Variants in ALDH1L2 observed in about 807,000 individuals in gnomAD.
The protein encoded by ALDH1L2 is mitochondrial 10-formyltetrahydrofolate dehydrogenase.
Under a neutral mutation model 111.0 loss-of-function variants are expected in ALDH1L2, and 91 were observed. That is an observed-to-expected ratio of 0.82 (90% CI 0.69 to 0.98). The LOEUF is 0.98. ALDH1L2 is among the 50% of genes least tolerant of loss of function. The pLI is 0.00. For synonymous variants in ALDH1L2, 374 were observed against 392.6 expected, an observed-to-expected ratio of 0.95 and a Z score of 0.56; for missense variants, 995 against 1,126.8, an observed-to-expected ratio of 0.88 and a Z score of 1.67.
chr12:105,050,189 C>T, intron 12 of ALDH1L2, 131 bp from the exon 13 acceptor site: 1 of 803,856 alleles, frequency 1.2e-6, no homozygotes, highest in East Asian at 3.1e-5. Context: ...TTATAGAGAT[C>T]ATGGTCCAGT....
chr12:105,063,076 CG>C (rs979350916), intron 6 of ALDH1L2, 54 bp from the exon 7 acceptor site: 1 of 1,579,766 alleles, frequency 6.3e-7, no homozygotes, highest in African/African-American at 1.4e-5. Context: ...CTGTTCATAG[CG>C]GTATGTATAA....
At chr12:105,056,914 A>G (rs369029509) in intron 10 of ALDH1L2, among the ~76,000 whole-genome samples, 76 of 151,842 alleles carry the variant, frequency 5.0e-4, no homozygotes, top group East Asian at 2.9e-3. Flanking sequence ...ACATAGATAA[A>G]TTAGACTTCA....
chr12:105,038,147 G>A lies in ALDH1L2; in HGVS notation c.2101C>T (p.Leu701Phe), dbSNP rs970256486. The A allele has an allele frequency of 6.2e-7, 1 of 1,613,628 alleles. No homozygotes were observed. The highest frequency in any genetic ancestry group is 8.5e-7 in the Non-Finnish European group (1 of 1,179,794). Residue 701 changes from leucine to phenylalanine, a missense_variant, in exon 18 of 23, where the codon CTT becomes TTT. Transcript: ENST00000258494. ...VSLELGGKSP[L>F]IIFNDCELDK... ...AGTTCACAGTCATTAAATATTATAA[G>A]TGGAGACTTGCCACCAAGCTCAAGG...
chr12:105,026,778 A>G, intron 21 of ALDH1L2, 34 bp from the exon 22 acceptor site: 1 of 1,607,822 alleles, frequency 6.2e-7, no homozygotes, highest in Non-Finnish European at 8.5e-7. Flanking sequence ...ACTTCATTAA[A>G]TGTAAAGCAA....
chr12:105,068,617 A>C lies in ALDH1L2; in HGVS notation c.594+102T>G, dbSNP rs145605619. 9.6e-4 allele frequency: 1,128 copies of C among 1,174,298 alleles called. 10 individuals are homozygous for C. In the African/African-American group the frequency reaches 0.017, roughly 17 times the overall value. 72.7% of individuals were successfully genotyped at this position (1,174,298 alleles called of 1,614,324 possible). ...AAATCTAATTTTGTTTTTAAACTTTATATTTTTGGTGAAAATTCATATGGA... is the reference window on the plus strand; with the variant it reads ...AAATCTAATTTTGTTTTTAAACTTTCTATTTTTGGTGAAAATTCATATGGA... On this transcript the variant is annotated intron_variant, in intron 4 of 22. Transcript: ENST00000258494.
chr12:105,076,511 C>A (rs1309233716), intron 1 of ALDH1L2, among the ~76,000 whole-genome samples: 2 of 152,140 alleles, frequency 1.3e-5, no homozygotes, highest in African/African-American at 4.8e-5. Flanking sequence ...AAGAGGCAGC[C>A]CTGAGATTCC....
chr12:105,041,375 T>C lies in ALDH1L2; in HGVS notation c.1864-681A>G, dbSNP rs572122534. ...ATGGTTAGATTCAAGTTATGCACTTTTGGGAACAATGCCACCGGAGCGATG... is the reference window on the plus strand; with the variant it reads ...ATGGTTAGATTCAAGTTATGCACTTCTGGGAACAATGCCACCGGAGCGATG... On this transcript the variant is annotated intron_variant, in intron 15 of 22. Transcript: ENST00000258494. Among the ~76,000 whole-genome samples the C allele has an allele frequency of 2.6e-5, 4 of 152,364 alleles. No individual in the cohort carries two copies. In the East Asian group the frequency reaches 5.8e-4, roughly 22 times the overall value.
chr12:105,042,771 C>A (rs967681347), intron 15 of ALDH1L2, among the ~76,000 whole-genome samples: 33 of 152,244 alleles, frequency 2.2e-4, no homozygotes, highest in Middle Eastern at 3.4e-3. Flanking sequence ...TTCAAATCAG[C>A]AAATACATAT....
At chr12:105,064,384 C>G (rs1877221265) in intron 6 of ALDH1L2, among the ~76,000 whole-genome samples, 1 of 151,996 alleles carries the variant, frequency 6.6e-6, no homozygotes, top group African/African-American at 2.4e-5. Flanking sequence ...AAGAAACCTG[C>G]CCGAGGTTAC....
chr12:105,059,253 G>A (rs557535602), intron 9 of ALDH1L2, among the ~76,000 whole-genome samples: 43 of 148,580 alleles, frequency 2.9e-4, no homozygotes, highest in Middle Eastern at 3.4e-3. Context: ...GCGACAGAGC[G>A]AGACTCTGTC....
At chr12:105,032,247 G>A (rs1246665545) in intron 19 of ALDH1L2, among the ~76,000 whole-genome samples, 4 of 139,244 alleles carry the variant, frequency 2.9e-5, no homozygotes, top group African/African-American at 1.1e-4. Flanking sequence ...GTGTGATCTT[G>A]GCTCACTGCA....
chr12:105,068,697 C>A, intron 4 of ALDH1L2, 22 bp downstream of exon 4: 2 of 1,427,294 alleles, frequency 1.4e-6, no homozygotes, highest in South Asian at 1.7e-5. Context: ...TTACTAAATT[C>A]TGGGTGGCAA....
chr12:105,031,105 A>C (rs192487905), intron 20 of ALDH1L2, among the ~76,000 whole-genome samples: 1 of 151,942 alleles, frequency 6.6e-6, no homozygotes, highest in South Asian at 2.1e-4. Flanking sequence ...TTGTTTCTCT[A>C]TCTCTTGTAT....
At chr12:105,069,791 A>G (rs1291693379) in intron 3 of ALDH1L2, among the ~76,000 whole-genome samples, 1 of 152,164 alleles carries the variant, frequency 6.6e-6, no homozygotes, top group Non-Finnish European at 1.5e-5. Flanking sequence ...GCCCACCTCA[A>G]CCCACAGTAT....
intron 2 of ALDH1L2, 195 bp downstream of exon 2, chr12:105,073,666 G>A: frequency 1.5e-6 from 1 of 675,276 alleles, no homozygotes; most frequent in Admixed American, 3.1e-5. Flanking sequence ...CTGGCCAATG[G>A]GATACAAGTG....
chr12:105,080,103 T>C (rs955503802), intron 1 of ALDH1L2, among the ~76,000 whole-genome samples: 4 of 152,228 alleles, frequency 2.6e-5, no homozygotes, highest in Non-Finnish European at 4.4e-5. Context: ...ATGAATATCA[T>C]GGTACATGCT....
intron 10 of ALDH1L2, among the ~76,000 whole-genome samples, chr12:105,054,099 G>A (rs888689320): frequency 6.6e-6 from 1 of 152,042 alleles, no homozygotes; most frequent in African/African-American, 2.4e-5. Context: ...ATAATGGAGG[G>A]TAATAATAGG....
intron 11 of ALDH1L2, 139 bp downstream of exon 11, chr12:105,052,673 G>T: frequency 2.0e-6 from 2 of 1,025,042 alleles, no homozygotes; most frequent in Non-Finnish European, 2.8e-6. Context: ...TGAAAGAAAA[G>T]CATGAAGTAC....
chr12:105,040,831 TCA>T, intron 15 of ALDH1L2, 137 bp from the exon 16 acceptor site: 1 of 711,718 alleles, frequency 1.4e-6, no homozygotes. Context: ...TGCCATAATT[TCA>T]GACTTACAAA....
Sources: gnomAD v4.1 joint callset for allele counts (sites outside exome capture counted in the v4.1 genomes callset) on GRCh38, gnomAD v4.1.1 for gene constraint, MANE v1.5 for transcripts, NCBI Gene and HGNC (gene_info 2026-07-23, HGNC 2026-07-21) for gene names.